PRRG3: variants seen among roughly 807,000 people sequenced by gnomAD.
The protein encoded by PRRG3 is proline rich and Gla domain 3, also known as transmembrane gamma-carboxyglutamic acid protein 3.
PRRG3 carries 21 observed loss-of-function variants against 15.8 expected under a neutral mutation model. The observed-to-expected ratio is 1.33, with a 90% confidence interval of 0.94 to 1.92. The LOEUF is 1.92. Ranked by LOEUF, PRRG3 falls within the 40% of genes most tolerant of loss-of-function variation. The pLI, the probability that PRRG3 is intolerant of heterozygous loss-of-function variation, is 0.00. For synonymous variants in PRRG3, 125 were observed against 84.1 expected, an observed-to-expected ratio of 1.49 and a Z score of -2.66; for missense variants, 251 against 200.2, an observed-to-expected ratio of 1.25 and a Z score of -1.53.
intron 1 of PRRG3, 124 bp from the exon 2 acceptor site, chrX:151,698,660 C>T (rs2124339553): frequency 6.3e-6 from 3 of 475,917 alleles, no homozygotes; most frequent in East Asian, 3.8e-5. Flanking sequence ...CGACGCACCC[C>T]ACAAGGTGCT....
In PRRG3 at chrX:151,700,107, T is replaced by A. The variant is rs769163082; in HGVS notation, c.119T>A (p.Ile40Asn). The change falls in exon 3 of 4, where the codon ATC (isoleucine) becomes AAC (asparagine). Residue 40 changes from isoleucine to asparagine, a missense_variant. Ile to Asn is a moderately radical substitution (Grantham distance 149). Transcript: ENST00000674457. ...GTIERECMEE[I>N]CSYEEVKEVF... ...ATCGAGCGAGAGTGCATGGAGGAGA[T>A]CTGCAGCTACGAGGAGGTCAAGGAA... 3.2e-5 allele frequency: 39 copies of A among 1,211,501 alleles called. No individual in the cohort carries two copies. Among genetic ancestry groups the A allele is most frequent in the Non-Finnish European group, 4.2e-5 (38 of 895,459 alleles).
chrX:151,697,147 CCTCTCTCCCTCTCTTT>C, intron 1 of PRRG3, among the ~76,000 whole-genome samples: 2 of 94,230 alleles, frequency 2.1e-5, no homozygotes, highest in Non-Finnish European at 4.3e-5. Flanking sequence ...TCCCTCTCTC[CCTCTCTCCCTCTCTTT>C]CTCTCTTTCT....
chrX:151,701,197 G>A lies in PRRG3; in HGVS notation c.*164G>A, dbSNP rs1335443231. The A allele has an allele frequency of 4.4e-6, 2 of 452,781 alleles. No homozygotes were observed. Among genetic ancestry groups the A allele is most frequent in the East Asian group, 8.3e-5 (2 of 24,166 alleles). The allele number at this position is 452,781 out of a possible 1,213,427, so 37.3% of individuals were successfully genotyped here. On this transcript the variant is annotated 3_prime_UTR_variant, in exon 4 of 4. Transcript: ENST00000674457. ...AGGAAGTCAGTTGTCAGAGACAGGTGGGGAGGGTGGGGGTAGGGACCACGC... is the reference window on the plus strand; with the variant it reads ...AGGAAGTCAGTTGTCAGAGACAGGTAGGGAGGGTGGGGGTAGGGACCACGC...
In PRRG3 at chrX:151,700,801, C is replaced by T. The variant is rs142444421; in HGVS notation, c.464C>T (p.Pro155Leu). 4.2e-3 allele frequency: 5,020 copies of T among 1,191,630 alleles called. 11 individuals carry two copies. The highest frequency in any genetic ancestry group is 8.9e-3 in the Middle Eastern group (38 of 4,256). ...PSGHREAANS[P>L]QVVLGPSRGG... ...GGGCACCGAGAGGCAGCGAACAGCC[C>T]CCAGGTGGTGCTGGGGCCCAGTCGG... The change falls in exon 4 of 4, where the codon CCC becomes CTC. Residue 155 changes from proline (P) to leucine (L), a missense_variant. Coordinates refer to ENST00000674457, the MANE Select transcript of PRRG3 (RefSeq NM_001372163.1).
At chrX:151,699,836 A>T (rs970539102) in intron 2 of PRRG3, 160 bp from the exon 3 acceptor site, 16 of 497,330 alleles carry the variant, frequency 3.2e-5, no homozygotes, top group Non-Finnish European at 5.2e-5. Flanking sequence ...TCCCTTTCAC[A>T]AAGGGCCGGC....
At position 151,704,277 on chromosome X, in the gene PRRG3, C is replaced by T. The variant is rs1383987564; in HGVS notation, c.*3244C>T. On this transcript the variant is annotated 3_prime_UTR_variant, in exon 4 of 4. Coordinates refer to ENST00000674457, the MANE Select transcript of PRRG3 (RefSeq NM_001372163.1). The stretch of plus-strand genomic sequence containing the variant: ...CTGAGCAGTCAGCCCCGGGAGGCCT[C>T]TTTTTCAACTTCCAATCCCACTGCC... The T allele has an allele frequency of 9.1e-6, 1 of 110,446 alleles. No homozygotes were observed. Among genetic ancestry groups the T allele is most frequent in the East Asian group, 2.9e-4 (1 of 3,494 alleles). 9.1% of individuals were successfully genotyped at this position (110,446 alleles called of 1,213,427 possible). A position where few individuals can be genotyped will look rare whatever the true frequency, so the allele number is the denominator to read the frequency against.
At chrX:151,695,844 GA>G (rs1256317785) in intron 1 of PRRG3, among the ~76,000 whole-genome samples, 2 of 111,449 alleles carry the variant, frequency 1.8e-5, no homozygotes, top group African/African-American at 6.5e-5. Flanking sequence ...GTGGGTCGAT[GA>G]GTCATGCGAT....
At position 151,703,096 on chromosome X, in the gene PRRG3, G is replaced by A. The variant is rs1189949070; in HGVS notation, c.*2063G>A. On this transcript the variant is annotated 3_prime_UTR_variant, in exon 4 of 4. Transcript: ENST00000674457. ...TTTGGCATCTGAGTTGCAGCTGGGT[G>A]GTAATGGGAGAGAGCAGGAAGAGGC... 1 of 112,821 alleles carries A rather than the reference G, an allele frequency of 8.9e-6. No individual in the cohort carries two copies. The highest frequency in any genetic ancestry group is 1.9e-5 in the Non-Finnish European group (1 of 53,382). 9.3% of individuals were successfully genotyped at this position (112,821 alleles called of 1,213,427 possible). A position where few individuals can be genotyped will look rare whatever the true frequency, so the allele number is the denominator to read the frequency against.
At chrX:151,699,817 G>C (rs1430787917) in intron 2 of PRRG3, among the ~76,000 whole-genome samples, 179 bp from the exon 3 acceptor site, 1 of 112,835 alleles carries the variant, frequency 8.9e-6, no homozygotes, top group Non-Finnish European at 1.9e-5. Context: ...TAGAATGTCA[G>C]CCCTTCCATC....
At position 151,700,875 on chromosome X, in the gene PRRG3, C is replaced by G. The variant is rs149812906; in HGVS notation, c.538C>G (p.Leu180Val). 37 of 1,209,024 alleles carry G rather than the reference C, an allele frequency of 3.1e-5. No individual in the cohort carries two copies. Among genetic ancestry groups the G allele is most frequent in the Non-Finnish European group, 3.7e-5 (33 of 894,142 alleles). The change falls in exon 4 of 4, where the codon CTC becomes GTC. Residue 180 changes from leucine to valine, a missense_variant. By Grantham distance (32) the Leu-to-Val change is conservative (BLOSUM62 1). Coordinates refer to ENST00000674457, the MANE Select transcript of PRRG3 (RefSeq NM_001372163.1). ...RLESTLYLPE[L>V]SLSRLSSTTP... ...AGAGAGCACCCTCTACCTCCCTGAGCTCTCTCTCTCCAGACTGTCCAGCAC... is the reference window on the plus strand; with the variant it reads ...AGAGAGCACCCTCTACCTCCCTGAGGTCTCTCTCTCCAGACTGTCCAGCAC...
chrX:151,697,077 C>CTCCTTCCTTCCTTCCT (rs1353224699), intron 1 of PRRG3, among the ~76,000 whole-genome samples: 1 of 41,774 alleles, frequency 2.4e-5, no homozygotes, highest in African/African-American at 1.5e-4. Flanking sequence ...CCCTTCCCTT[C>CTCCTTCCTTCCTTCCT]TCCTTCCTTC....
At chrX:151,696,491 G>A (rs752317574) in intron 1 of PRRG3, among the ~76,000 whole-genome samples, 2 of 111,139 alleles carry the variant, frequency 1.8e-5, no homozygotes, top group African/African-American at 3.3e-5. Flanking sequence ...TCGGGTCTAT[G>A]ATAGGTGTGA....
chrX:151,698,383 T>C (rs963096335), intron 1 of PRRG3: 2 of 119,355 alleles, frequency 1.7e-5, no homozygotes, highest in African/African-American at 6.4e-5. Context: ...CTGGGCTGTA[T>C]CTCCTCATCT....
intron 1 of PRRG3, among the ~76,000 whole-genome samples, chrX:151,697,958 G>A (rs552337435): frequency 8.2e-5 from 9 of 110,386 alleles, no homozygotes; most frequent in South Asian, 4.0e-4. Context: ...TCTCAGTGTC[G>A]GGCATCTAAA....
In PRRG3 at chrX:151,698,806, G is replaced by T; in HGVS notation, c.-9G>T. On this transcript the variant is annotated 5_prime_UTR_variant, in exon 2 of 4. In the 5' UTR this introduces an upstream ATG that the reference lacks. Coordinates refer to ENST00000674457, the MANE Select transcript of PRRG3 (RefSeq NM_001372163.1). ...CAGAGAAGTGAGACCCTGCAGCTGA[G>T]GGAGCATCATGGCAGGTGAGTTTTT... The T allele has an allele frequency of 8.3e-7, 1 of 1,206,307 alleles. No homozygotes were observed. The highest frequency in any genetic ancestry group is 1.1e-6 in the Non-Finnish European group (1 of 892,067).
In PRRG3 at chrX:151,700,675, C is replaced by A. The variant is rs2014856224; in HGVS notation, c.338C>A (p.Pro113His). 8.3e-7 allele frequency: 1 copy of A among 1,209,057 alleles called. No homozygotes were observed. Among genetic ancestry groups the A allele is most frequent in the Non-Finnish European group, 1.1e-6 (1 of 894,826 alleles). ...CQLQKATRHH[P>H]SYAQNRYLAS... The stretch of plus-strand genomic sequence containing the variant: ...CTGCAGAAAGCGACCCGTCACCACC[C>A]CTCCTATGCTCAGAACCGGTACCTA... Residue 113 changes from proline to histidine, a missense_variant, in exon 4 of 4, where the codon CCC becomes CAC. By Grantham distance (77) the Pro-to-His change is moderately conservative. Transcript: ENST00000674457.
chrX:151,694,986 G>A (rs2014731282), upstream of PRRG3: 1 of 109,128 alleles, frequency 9.2e-6, no homozygotes, highest in Non-Finnish European at 1.9e-5. Context: ...GTGGGGCGCG[G>A]GCGCGCGGTG....
rs2014896413 is a variant in PRRG3, at chrX:151,702,086, G to A, written c.*1053G>A. The A allele has an allele frequency of 9.0e-6, 1 of 111,608 alleles. No individual in the cohort carries two copies. The highest frequency in any genetic ancestry group is 1.9e-5 in the Non-Finnish European group (1 of 53,143). The allele number at this position is 111,608 out of a possible 1,213,427, so 9.2% of individuals were successfully genotyped here. On this transcript the variant is annotated 3_prime_UTR_variant, in exon 4 of 4. Transcript: ENST00000674457. ...GACAGCAGTGGGGCAGAAGGCACCT[G>A]CCCTTTAACTGTCAGTGACCATGCT...
At position 151,700,860 on chromosome X, in the gene PRRG3, C is replaced by T. The variant is rs1008897909; in HGVS notation, c.523C>T (p.Leu175Phe). The T allele has an allele frequency of 2.5e-6, 3 of 1,208,087 alleles. No homozygotes were observed. The highest frequency in any genetic ancestry group is 3.4e-6 in the Non-Finnish European group (3 of 893,537). Residue 175 changes from leucine (L) to phenylalanine (F), a missense_variant, in exon 4 of 4, where the codon CTC (leucine) becomes TTC (phenylalanine). Leu to Phe is a conservative substitution (Grantham distance 22). Coordinates refer to ENST00000674457, the MANE Select transcript of PRRG3 (RefSeq NM_001372163.1). ...GRTTVRLEST[L>F]YLPELSLSRL... ...GACCACAGTCCGGCTAGAGAGCACC[C>T]TCTACCTCCCTGAGCTCTCTCTCTC...
Sources: gnomAD v4.1 joint callset for allele counts (sites outside exome capture counted in the v4.1 genomes callset) on GRCh38, gnomAD v4.1.1 for gene constraint, MANE v1.5 for transcripts, NCBI Gene and HGNC (gene_info 2026-07-23, HGNC 2026-07-21) for gene names.